Variants in CYP2A6 observed in about 807,000 individuals in gnomAD.
CYP2A6 encodes the protein cytochrome P450 family 2 subfamily A member 6.
In CYP2A6, 27 loss-of-function variants were observed where a neutral mutation model predicts 42.3. The ratio of observed to expected loss-of-function variants is 0.64; its 90% CI spans 0.47 to 0.88. The LOEUF (loss-of-function observed/expected upper bound fraction) is 0.88, where lower values mean the gene tolerates loss of function less well. Ranked by LOEUF, CYP2A6 falls within the 40% of genes least tolerant of loss-of-function variation. CYP2A6 has a pLI of 0.00. For synonymous variants in CYP2A6, 238 were observed against 246.3 expected, an observed-to-expected ratio of 0.97 and a Z score of 0.31; for missense variants, 628 against 646.0, an observed-to-expected ratio of 0.97 and a Z score of 0.30.
Position 40,846,038 on chromosome 19 carries a change from G to C in CYP2A6, c.891C>G (p.Asn297Lys), listed in dbSNP as rs768028966. The change falls in exon 6 of 9, where the codon AAC becomes AAG. Residue 297 changes from asparagine (N) to lysine (K), a missense_variant. Physicochemically the swap from Asn to Lys is moderately conservative, Grantham distance 94. Coordinates refer to ENST00000301141, the MANE Select transcript of CYP2A6 (RefSeq NM_000762.6). Reference protein sequence around the residue: ...YLKNLVMTTLNLFIGGTETVS... With the variant: ...YLKNLVMTTLKLFIGGTETVS... The stretch of plus-strand genomic sequence containing the variant: ...CGGTCTCGGTGCCCCCAATGAAGAG[G>C]TTCAACGTGGTCATCACCAGGTTTT... 2 of 1,611,556 alleles carry C rather than the reference G, an allele frequency of 1.2e-6. No individual in the cohort carries two copies. Among genetic ancestry groups the C allele is most frequent in the Non-Finnish European group, 1.7e-6 (2 of 1,179,858 alleles).
chr19:40,845,243 CAG>C (rs1324783061), intron 7 of CYP2A6, 49 bp downstream of exon 7: 9 of 1,606,690 alleles, frequency 5.6e-6, no homozygotes, highest in Admixed American at 1.7e-5. Flanking sequence ...GCTGGGGACA[CAG>C]AGAGGGGCTG....
rs766319029 is a variant in CYP2A6, at chr19:40,848,767, G to A, written c.344-4C>T. The A allele has an allele frequency of 1.9e-6, 3 of 1,610,718 alleles. No homozygotes were observed. The highest frequency in any genetic ancestry group is 2.5e-6 in the Non-Finnish European group (3 of 1,179,644). ...TCCCCGTTGCTGAATACCACGCCTG[G>A]GGAGGTGAACGCGGGAATGGAGACA... is the stretch of plus-strand genomic sequence containing the variant. On this transcript the variant is annotated splice_polypyrimidine_tract_variant and splice_region_variant and intron_variant, in intron 2 of 8. Transcript: ENST00000301141.
In CYP2A6 at chr19:40,850,270, G is replaced by T; in HGVS notation, c.157C>A (p.Gln53Lys). The T allele has an allele frequency of 6.2e-7, 1 of 1,609,868 alleles. No homozygotes were observed. ...ACCTTCATGAGGGAGTTGTACATCTGCTCTGTGTTCAGCTGCAGGTAGTTT... is the reference window on the plus strand; with the variant it reads ...ACCTTCATGAGGGAGTTGTACATCTTCTCTGTGTTCAGCTGCAGGTAGTTT... ...IGNYLQLNTE[Q>K]MYNSLMKISE... is the part of the protein sequence containing the mutation. The change falls in exon 1 of 9, where the codon CAG (glutamine) becomes AAG (lysine). Residue 53 changes from glutamine to lysine, a missense_variant. This residue lies in a region of CYP2A6 where 606 missense variants were observed against 568.1 expected (regional missense o/e 1.07). Transcript: ENST00000301141.
rs1446957835 is a variant in CYP2A6, at chr19:40,844,659, C to G, written c.1275G>C (p.Lys425Asn). The G allele has an allele frequency of 6.2e-7, 1 of 1,611,700 alleles. No homozygotes were observed. Among genetic ancestry groups the G allele is most frequent in the Non-Finnish European group, 8.5e-7 (1 of 1,179,882 alleles). Residue 425 changes from lysine to asparagine, a missense_variant, in exon 8 of 9, where the codon AAG becomes AAC. Physicochemically the swap from Lys to Asn is moderately conservative, Grantham distance 94 (BLOSUM62 0). Around this residue, in one of 2 missense-constraint regions of CYP2A6, gnomAD observed 606 missense variants for 568.1 expected, o/e 1.07. Coordinates refer to ENST00000301141, the MANE Select transcript of CYP2A6 (RefSeq NM_000762.6). ...HFLNEKGQFKKSDAFVPFSIG... is the reference protein window; with the variant it reads ...HFLNEKGQFKNSDAFVPFSIG... The stretch of plus-strand genomic sequence containing the variant: ...TGGAAAAGGGCACAAAAGCATCACT[C>G]TTCTTAAACTGCCCCTTCTCATTCA...
Position 40,846,932 on chromosome 19 carries a change from C to G in CYP2A6, c.774G>C (p.Thr258=), listed in dbSNP as rs372458720. 3.1e-6 allele frequency: 5 copies of G among 1,611,986 alleles called. No individual in the cohort carries two copies. Among genetic ancestry groups the G allele is most frequent in the South Asian group, 1.1e-5 (1 of 90,948 alleles). Residue 258 remains threonine, a synonymous_variant, in exon 5 of 9, where the codon ACG becomes ACC. Transcript: ENST00000301141. ...AGTCCCGTGGGGAATTGGGATCCAG[C>G]GTGCGCTGGTTGTGCTCCACCTTCT... ...IAKKVEHNQR[T]LDPNSPRDFI... is the part of the protein sequence containing the mutation.
chr19:40,849,932 G>A lies in CYP2A6; in HGVS notation c.229C>T (p.Arg77Trp), dbSNP rs763613869. 16 of 1,611,302 alleles carry A rather than the reference G, an allele frequency of 9.9e-6. No homozygotes were observed. Among genetic ancestry groups the A allele is most frequent in the Middle Eastern group, 1.6e-4 (1 of 6,074 alleles). Reference protein sequence around the residue: ...PVFTIHLGPRRVVVLCGHDAV... With the variant: ...PVFTIHLGPRWVVVLCGHDAV... ...TCATGTCCACACAGCACCACGACCC[G>A]CCGGGGCCCCAAGTGAATGGTGAAC... Residue 77 changes from arginine (R) to tryptophan (W), a missense_variant, in exon 2 of 9, where the codon CGG (arginine) becomes TGG (tryptophan). This residue lies in a region of CYP2A6 where 606 missense variants were observed against 568.1 expected (regional missense o/e 1.07). Coordinates refer to ENST00000301141, the MANE Select transcript of CYP2A6 (RefSeq NM_000762.6).
At position 40,843,682 on chromosome 19, in the gene CYP2A6, C is replaced by CT; in HGVS notation, c.*113dup. On this transcript the variant is annotated 3_prime_UTR_variant, in exon 9 of 9. Coordinates refer to ENST00000301141, the MANE Select transcript of CYP2A6 (RefSeq NM_000762.6). ...TCTCTTCCCTCTAGCCACCACGCCC[C>CT]TTCCTTTCCGCCATCCTGCCCCCAG... is the stretch of plus-strand genomic sequence containing the variant. 8.0e-7 allele frequency: 1 copy of CT among 1,243,506 alleles called. No homozygotes were observed. Among genetic ancestry groups the CT allele is most frequent in the East Asian group, 3.9e-5 (1 of 25,888 alleles). 77.0% of individuals were successfully genotyped at this position (1,243,506 alleles called of 1,614,324 possible).
chr19:40,848,550 G>A, intron 3 of CYP2A6, 64 bp downstream of exon 3: 2 of 1,594,144 alleles, frequency 1.3e-6, no homozygotes, highest in Non-Finnish European at 1.7e-6. Flanking sequence ...GGCAGAACGC[G>A]CGCGGGTTCC....
rs1202580890 is a variant in CYP2A6, at chr19:40,846,070, A to G, written c.859T>C (p.Tyr287His). 1.2e-6 allele frequency: 2 copies of G among 1,611,462 alleles called. No individual in the cohort carries two copies. Among genetic ancestry groups the G allele is most frequent in the African/African-American group, 2.7e-5 (2 of 74,528 alleles). The change falls in exon 6 of 9, where the codon TAC (tyrosine) becomes CAC (histidine). Residue 287 changes from tyrosine (Y) to histidine (H), a missense_variant. By Grantham distance (83) the Tyr-to-His change is moderately conservative (BLOSUM62 2). Around this residue, in one of 2 missense-constraint regions of CYP2A6, gnomAD observed 606 missense variants for 568.1 expected, o/e 1.07. Coordinates refer to ENST00000301141, the MANE Select transcript of CYP2A6 (RefSeq NM_000762.6). ...GTGGTCATCACCAGGTTTTTCAAGT[A>G]GAACTCCGTGTTGGGGTTCTTCTCC... ...EEEKNPNTEF[Y>H]LKNLVMTTLN...
rs1228345046 is a variant in CYP2A6, at chr19:40,845,059, G to C, written c.1161+235C>G. Reference sequence around the variant, plus strand: ...TGGAAAGGGGGCTTCTGTTTCTTAAGATAGGAAGTTTGGGAACATGTGTTT... The same window carrying C: ...TGGAAAGGGGGCTTCTGTTTCTTAACATAGGAAGTTTGGGAACATGTGTTT... On this transcript the variant is annotated intron_variant, in intron 7 of 8. Coordinates refer to ENST00000301141, the MANE Select transcript of CYP2A6 (RefSeq NM_000762.6). 7 of 658,098 alleles carry C rather than the reference G, an allele frequency of 1.1e-5. No individual in the cohort carries two copies. In the East Asian group the frequency reaches 1.8e-4, roughly 17 times the overall value. The allele number at this position is 658,098 out of a possible 1,614,324, so 40.8% of individuals were successfully genotyped here. A position where few individuals can be genotyped will look rare whatever the true frequency, so the allele number is the denominator to read the frequency against.
At chr19:40,846,157 G>A in intron 5 of CYP2A6, 60 bp from the exon 6 acceptor site, 1 of 1,594,204 alleles carries the variant, frequency 6.3e-7, no homozygotes, top group Admixed American at 1.8e-5. Flanking sequence ...GCCCTTCTAG[G>A]GCTTTTCCTT....
intron 5 of CYP2A6, among the ~76,000 whole-genome samples, chr19:40,846,466 G>A (rs897720710): frequency 8.6e-5 from 13 of 151,038 alleles, no homozygotes; most frequent in Non-Finnish European, 1.6e-4. Flanking sequence ...AACTGCACAT[G>A]CGCATGACCA....
In CYP2A6 at chr19:40,845,286, G is replaced by A; in HGVS notation, c.1161+8C>T. The stretch of plus-strand genomic sequence containing the variant: ...CCCCGTAGTCTGGGGGGTGGGGGCG[G>A]ATAGCACCTTAGGGAGGAAGAAATC... On this transcript the variant is annotated splice_region_variant and intron_variant, in intron 7 of 8. Coordinates refer to ENST00000301141, the MANE Select transcript of CYP2A6 (RefSeq NM_000762.6). 6.2e-7 allele frequency: 1 copy of A among 1,611,476 alleles called. No individual in the cohort carries two copies. The highest frequency in any genetic ancestry group is 1.3e-5 in the African/African-American group (1 of 74,576).
chr19:40,844,208 A>G (rs1026796531), intron 8 of CYP2A6, among the ~76,000 whole-genome samples: 20 of 151,274 alleles, frequency 1.3e-4, no homozygotes, highest in African/African-American at 4.6e-4. Context: ...CATAGTTTAC[A>G]TTAGGGTTTA....
chr19:40,848,299 C>G lies in CYP2A6; in HGVS notation c.574G>C (p.Asp192His). The change falls in exon 4 of 9, where the codon GAC (aspartate) becomes CAC (histidine). Residue 192 changes from aspartate (D) to histidine (H), a missense_variant. Coordinates refer to ENST00000301141, the MANE Select transcript of CYP2A6 (RefSeq NM_000762.6). ...ISSIVFGDRF[D>H]YKDKEFLSLL... ...GACAGGAACTCTTTGTCCTTATAGTCAAAGCGGTCCCCAAAGACAATGGAG... is the reference window on the plus strand; with the variant it reads ...GACAGGAACTCTTTGTCCTTATAGTGAAAGCGGTCCCCAAAGACAATGGAG... The G allele has an allele frequency of 6.2e-7, 1 of 1,611,870 alleles. No individual in the cohort carries two copies. The highest frequency in any genetic ancestry group is 8.5e-7 in the Non-Finnish European group (1 of 1,179,948).
intron 1 of CYP2A6, 82 bp from the exon 2 acceptor site, chr19:40,850,062 A>G: frequency 6.4e-7 from 1 of 1,571,066 alleles, no homozygotes; most frequent in Non-Finnish European, 8.6e-7. Flanking sequence ...ATGTGCTGGG[A>G]TGCTTCGCAC....
intron 6 of CYP2A6, 139 bp from the exon 7 acceptor site, chr19:40,845,620 A>C: frequency 7.2e-7 from 1 of 1,384,176 alleles, no homozygotes; most frequent in Non-Finnish European, 9.7e-7. Context: ...AACAGACATC[A>C]GCCATTCGCA....
At chr19:40,849,754 G>A in intron 2 of CYP2A6, 64 bp downstream of exon 2, 1 of 1,599,738 alleles carries the variant, frequency 6.3e-7, no homozygotes, top group South Asian at 1.1e-5. Flanking sequence ...TCAGGGAGAA[G>A]GCTGGGAACA....
At chr19:40,848,518 C>A in intron 3 of CYP2A6, 96 bp downstream of exon 3, 11 of 1,580,156 alleles carry the variant, frequency 7.0e-6, no homozygotes, top group South Asian at 1.2e-5. Flanking sequence ...GGGCGCCTTT[C>A]CCCACCTAGT....
Sources: gnomAD v4.1 joint callset for allele counts (sites outside exome capture counted in the v4.1 genomes callset) on GRCh38, gnomAD v4.1.1 for gene constraint, gnomAD v4.1.1 regional missense constraint, MANE v1.5 for transcripts, NCBI Gene and HGNC (gene_info 2026-07-23, HGNC 2026-07-21) for gene names.